Variants in CTIF observed in about 807,000 individuals in gnomAD.
The protein encoded by CTIF is CBP80/20-dependent translation initiation factor.
A neutral mutation model predicts 66.0 loss-of-function variants in CTIF; 21 were observed. That is an observed-to-expected ratio of 0.32 (90% CI 0.23 to 0.46). The LOEUF (loss-of-function observed/expected upper bound fraction) is 0.46, where lower values mean the gene tolerates loss of function less well. Ranked by LOEUF, CTIF falls within the 20% of genes least tolerant of loss-of-function variation. The pLI is 1.00. For synonymous variants in CTIF, 345 were observed against 326.4 expected (o/e 1.06, Z -0.62); for missense variants, 739 against 812.7 (o/e 0.91, Z 1.10).
At chr18:48,695,807 A>G in intron 6 of CTIF, among the ~76,000 whole-genome samples, 1 of 152,206 alleles carries the variant, frequency 6.6e-6, no homozygotes, top group East Asian at 1.9e-4. Flanking sequence ...CTTCCAGGAA[A>G]CTGGCATTGC....
intron 9 of CTIF, among the ~76,000 whole-genome samples, chr18:48,799,499 A>C (rs1412246943): frequency 6.6e-6 from 1 of 152,126 alleles, no homozygotes; most frequent in Non-Finnish European, 1.5e-5. Flanking sequence ...ATCTGGGGAC[A>C]CTGGCATGGG....
In CTIF at chr18:48,861,544, G is replaced by C. The variant is rs1314351720; in HGVS notation, c.*1985G>C. ...TCGTGGCCAGGCAGCCTCCACCTGT[G>C]CTTCAGTGGCCCCTGCCCCCCTGAA... On this transcript the variant is annotated 3_prime_UTR_variant, in exon 12 of 12. Coordinates refer to ENST00000256413, the MANE Select transcript of CTIF (RefSeq NM_014772.3). The C allele has an allele frequency of 6.6e-6, 1 of 152,394 alleles. No individual in the cohort carries two copies. The highest frequency in any genetic ancestry group is 1.5e-5 in the Non-Finnish European group (1 of 68,140). The allele number at this position is 152,394 out of a possible 1,614,324, so 9.4% of individuals were successfully genotyped here.
chr18:48,693,181 G>A (rs564411227), intron 6 of CTIF, among the ~76,000 whole-genome samples: 46 of 152,258 alleles, frequency 3.0e-4, no homozygotes, highest in African/African-American at 9.4e-4. Context: ...AAATCTACCC[G>A]GTGCCAGCAT....
intron 7 of CTIF, among the ~76,000 whole-genome samples, chr18:48,741,280 G>C (rs113558329): frequency 0.32 from 16,775 of 51,826 alleles, 1,776 homozygotes; most frequent in Non-Finnish European, 0.4. Flanking sequence ...CTCTGCCCCC[G>C]CCCCCCCTCC....
chr18:48,646,658 G>T (rs1336630870), intron 3 of CTIF, among the ~76,000 whole-genome samples: 1 of 151,222 alleles, frequency 6.6e-6, no homozygotes, highest in Non-Finnish European at 1.5e-5. Flanking sequence ...GAGGTAGGAG[G>T]ATCACTTGAG....
chr18:48,837,612 T>C (rs774625583), intron 10 of CTIF, among the ~76,000 whole-genome samples: 2 of 151,954 alleles, frequency 1.3e-5, no homozygotes, highest in Non-Finnish European at 2.9e-5. Flanking sequence ...GCCACTCCCA[T>C]CCACCTGAAG....
intron 6 of CTIF, among the ~76,000 whole-genome samples, chr18:48,684,402 A>AT (rs1016708846): frequency 1.3e-5 from 2 of 151,712 alleles, no homozygotes; most frequent in African/African-American, 2.4e-5. Context: ...TGTTTTTACT[A>AT]TTTTTTTCTA....
At chr18:48,666,627 A>G (rs900657371) in intron 5 of CTIF, among the ~76,000 whole-genome samples, 1 of 152,112 alleles carries the variant, frequency 6.6e-6, no homozygotes, top group Non-Finnish European at 1.5e-5. Context: ...CCTCTTTTTC[A>G]TTGCCCTCCC....
chr18:48,695,776 G>A (rs1568144261), intron 6 of CTIF, among the ~76,000 whole-genome samples: 1 of 152,144 alleles, frequency 6.6e-6, no homozygotes, highest in Non-Finnish European at 1.5e-5. Context: ...TCCTTCTATG[G>A]CGAGGAGACT....
chr18:48,555,500 T>G (rs554825654), intron 1 of CTIF, among the ~76,000 whole-genome samples: 1 of 152,000 alleles, frequency 6.6e-6, no homozygotes, highest in African/African-American at 2.4e-5. Context: ...GGGATTGGGG[T>G]GGATGGGCTT....
intron 5 of CTIF, among the ~76,000 whole-genome samples, chr18:48,665,264 A>G (rs992070622): frequency 2.6e-5 from 4 of 152,318 alleles, no homozygotes; most frequent in Admixed American, 6.5e-5. Context: ...ATGCTGGTCC[A>G]GGGACCACAC....
At chr18:48,805,572 TA>T (rs1309713421) in intron 9 of CTIF, among the ~76,000 whole-genome samples, 2 of 152,052 alleles carry the variant, frequency 1.3e-5, no homozygotes, top group Non-Finnish European at 2.9e-5. Context: ...GTCGTGGCCT[TA>T]CTTGAAGCAA....
chr18:48,790,041 G>T (rs968092583), intron 9 of CTIF, among the ~76,000 whole-genome samples: 1 of 152,190 alleles, frequency 6.6e-6, no homozygotes, highest in Non-Finnish European at 1.5e-5. Flanking sequence ...TGGGGCCATT[G>T]TGAAGATGAA....
At chr18:48,812,553 G>A (rs948279795) in intron 9 of CTIF, among the ~76,000 whole-genome samples, 1 of 152,002 alleles carries the variant, frequency 6.6e-6, no homozygotes, top group Non-Finnish European at 1.5e-5. Context: ...AACTAAAAAA[G>A]AAAATTCAGC....
chr18:48,778,218 T>C (rs1011017114), intron 9 of CTIF, among the ~76,000 whole-genome samples: 5 of 151,844 alleles, frequency 3.3e-5, no homozygotes, highest in African/African-American at 1.2e-4. Context: ...TCAGCCATCT[T>C]CTAAGGAGCC....
rs115877901 is a variant in CTIF, at chr18:48,545,494, C to T, written c.-29+6182C>T. Among the ~76,000 whole-genome samples, 767 of 152,272 alleles carry T rather than the reference C, an allele frequency of 5.0e-3. 7 individuals carry two copies. Among genetic ancestry groups the T allele is most frequent in the African/African-American group, 0.018 (746 of 41,550 alleles). On this transcript the variant is annotated intron_variant, in intron 1 of 11. Transcript: ENST00000256413. The stretch of plus-strand genomic sequence containing the variant: ...CATTAAAATTAGTTGGGAGTAAAGT[C>T]CGCAGTGATTACTTAGACTTGGGGG...
chr18:48,828,889 A>G (rs1460059210), intron 10 of CTIF, among the ~76,000 whole-genome samples: 2 of 152,154 alleles, frequency 1.3e-5, no homozygotes, highest in Non-Finnish European at 2.9e-5. Context: ...GCAGCCCTGG[A>G]CGGCTTGCCC....
intron 6 of CTIF, among the ~76,000 whole-genome samples, chr18:48,674,201 T>C (rs2091588022): frequency 6.6e-6 from 1 of 152,212 alleles, no homozygotes; most frequent in Non-Finnish European, 1.5e-5. Flanking sequence ...CACAGCCTAG[T>C]AGAGGAAATG....
At chr18:48,710,972 A>AAAT (rs943358368) in intron 6 of CTIF, among the ~76,000 whole-genome samples, 10 of 152,122 alleles carry the variant, frequency 6.6e-5, no homozygotes, top group Non-Finnish European at 1.3e-4. Context: ...ACCCTGTCTC[A>AAAT]AATAATAATA....
Sources: gnomAD v4.1 joint callset for allele counts (sites outside exome capture counted in the v4.1 genomes callset) on GRCh38, gnomAD v4.1.1 for gene constraint, MANE v1.5 for transcripts, NCBI Gene and HGNC (gene_info 2026-07-23, HGNC 2026-07-21) for gene names.